Variants in KDSR observed in about 807,000 individuals in gnomAD.
KDSR encodes the protein 3-ketodihydrosphingosine reductase, also known as 3-dehydrosphinganine reductase.
In KDSR, 23 loss-of-function variants were observed where a neutral mutation model predicts 41.3. That is an observed-to-expected ratio of 0.56 (90% CI 0.40 to 0.79). The LOEUF is 0.79. Ranked by LOEUF, KDSR falls within the 30% of genes least tolerant of loss-of-function variation. The pLI is 0.00. For synonymous variants in KDSR, 138 were observed against 151.7 expected, an observed-to-expected ratio of 0.91 and a Z score of 0.66; for missense variants, 351 against 416.8, an observed-to-expected ratio of 0.84 and a Z score of 1.37.
intron 2 of KDSR, 37 bp downstream of exon 2, chr18:63,362,739 CGAA>C (rs1215274835): frequency 2.2e-6 from 3 of 1,374,720 alleles, no homozygotes; most frequent in Non-Finnish European, 2.1e-6. Flanking sequence ...AATTTCAAGT[CGAA>C]GAAGCAAGTC....
chr18:63,351,378 A>G (rs1914658696), intron 5 of KDSR, among the ~76,000 whole-genome samples: 1 of 152,250 alleles, frequency 6.6e-6, no homozygotes, highest in Admixed American at 6.5e-5. Flanking sequence ...TTCTCCTTAT[A>G]AAAAGTATAC....
At position 63,335,468 on chromosome 18, in the gene KDSR, A is replaced by G. The variant is rs551957193; in HGVS notation, c.778-110T>C. On this transcript the variant is annotated intron_variant, in intron 8 of 9. Coordinates refer to ENST00000645214, the MANE Select transcript of KDSR (RefSeq NM_002035.4). Reference sequence around the variant, plus strand: ...TGCTCGTTCACTTTAAGTGAGATAAAATGGTCACAAAGCATTGATCAGCAC... The same window carrying G: ...TGCTCGTTCACTTTAAGTGAGATAAGATGGTCACAAAGCATTGATCAGCAC... 14 of 734,912 alleles carry G rather than the reference A, an allele frequency of 1.9e-5. No homozygotes were observed. In the East Asian group the frequency reaches 3.6e-4, roughly 19 times the overall value. The allele number at this position is 734,912 out of a possible 1,614,324, so 45.5% of individuals were successfully genotyped here.
intron 2 of KDSR, among the ~76,000 whole-genome samples, chr18:63,361,702 C>A (rs1402730074): frequency 6.6e-6 from 1 of 152,028 alleles, no homozygotes; most frequent in Non-Finnish European, 1.5e-5. Flanking sequence ...GTAGTCCCAG[C>A]TACTCAGGAA....
intron 7 of KDSR, among the ~76,000 whole-genome samples, chr18:63,341,365 G>A (rs564115658): frequency 6.6e-6 from 1 of 151,592 alleles, no homozygotes; most frequent in Non-Finnish European, 1.5e-5. Flanking sequence ...AGAGAAAAGA[G>A]ATCTAAAGTA....
intron 7 of KDSR, among the ~76,000 whole-genome samples, chr18:63,339,826 A>C (rs898827443): frequency 1.3e-5 from 2 of 152,240 alleles, no homozygotes; most frequent in African/African-American, 4.8e-5. Context: ...TTTCAAGTAG[A>C]AGTGTCAAAC....
rs1038547029 is a variant in KDSR at position 63,351,031 on chromosome 18, C to G, written c.466G>C (p.Val156Leu). ...CGGCGCTCCTTCATGGTGGTGATCA[C>G]GGCCCGGCTGGGGTACACGCTGCCC... ...YLGSVYPSRAVITTMKERRVG... is the reference protein window; with the variant it reads ...YLGSVYPSRALITTMKERRVG... The change falls in exon 6 of 10, where the codon GTG (valine) becomes CTG (leucine). Residue 156 changes from valine to leucine, a missense_variant. Coordinates refer to ENST00000645214, the MANE Select transcript of KDSR (RefSeq NM_002035.4). 1.2e-6 allele frequency: 2 copies of G among 1,614,112 alleles called. No individual in the cohort carries two copies. Among genetic ancestry groups the G allele is most frequent in the South Asian group, 2.2e-5 (2 of 91,074 alleles).
At chr18:63,338,978 C>T (rs1914265575) in intron 7 of KDSR, 95 bp from the exon 8 acceptor site, 6 of 726,138 alleles carry the variant, frequency 8.3e-6, no homozygotes, top group Non-Finnish European at 2.2e-6. Flanking sequence ...CAAATAATTC[C>T]AATTTTCTAC....
chr18:63,341,483 AAG>A (rs1368646369), intron 7 of KDSR, among the ~76,000 whole-genome samples: 3 of 152,036 alleles, frequency 2.0e-5, no homozygotes, highest in Non-Finnish European at 2.9e-5. Flanking sequence ...TAAAAAAAAA[AAG>A]AGAGAGAAAA....
chr18:63,338,372 A>G (rs928318475), intron 8 of KDSR, among the ~76,000 whole-genome samples: 1 of 152,242 alleles, frequency 6.6e-6, no homozygotes, highest in African/African-American at 2.4e-5. Context: ...ACATATCAAC[A>G]GGGAAGACAG....
At position 63,355,518 on chromosome 18, in the gene KDSR, C is replaced by T; in HGVS notation, c.301G>A (p.Val101Ile). 6.2e-7 allele frequency: 1 copy of T among 1,611,262 alleles called. No homozygotes were observed. Among genetic ancestry groups the T allele is most frequent in the African/African-American group, 1.3e-5 (1 of 74,844 alleles). ...SVDVSQDYNQ[V>I]ENVIKQAQEK... Reference sequence around the variant, plus strand: ...CTTACTTGTTTTATGACATTCTCTACTTGGTTATAGTCTTGAGATACATCA... The same window carrying T: ...CTTACTTGTTTTATGACATTCTCTATTTGGTTATAGTCTTGAGATACATCA... The change falls in exon 4 of 10, where the codon GTA becomes ATA. Residue 101 changes from valine (V) to isoleucine (I), a missense_variant. Transcript: ENST00000645214.
chr18:63,335,232 G>A (rs755751272), intron 9 of KDSR, 25 bp downstream of exon 9: 1 of 1,499,832 alleles, frequency 6.7e-7, no homozygotes, highest in South Asian at 1.1e-5. Context: ...CGGCCTGTCT[G>A]ATTGCTAGCC....
At chr18:63,340,825 A>C (rs1914322590) in intron 7 of KDSR, among the ~76,000 whole-genome samples, 1 of 152,284 alleles carries the variant, frequency 6.6e-6, no homozygotes, top group African/African-American at 2.4e-5. Context: ...AAGAGTAGTT[A>C]TAAGGCACTT....
intron 1 of KDSR, chr18:63,366,631 A>C: frequency 1.2e-5 from 2 of 168,364 alleles, no homozygotes; most frequent in Non-Finnish European, 2.5e-5. Flanking sequence ...GTCCTTGGCA[A>C]AGTTTCTCAG....
In KDSR at chr18:63,337,113, A is replaced by AATATATAT. The variant is rs139383635; in HGVS notation, c.777+1679_777+1686dup. Among the ~76,000 whole-genome samples the AATATATAT allele has an allele frequency of 6.8e-3, 870 of 127,726 alleles. 31 individuals are homozygous for AATATATAT. Among genetic ancestry groups the AATATATAT allele is most frequent in the African/African-American group, 0.025 (776 of 31,388 alleles). 83.8% of individuals were successfully genotyped at this position (127,726 alleles called of 152,430 possible). On this transcript the variant is annotated intron_variant, in intron 8 of 9. Transcript: ENST00000645214. Reference sequence around the variant, plus strand: ...GTGACTTTATATATATATATATGTGAATATATATATATATATATATATATG... The same window carrying AATATATAT: ...GTGACTTTATATATATATATATGTGAATATATATATATATATATATATATATATATATG...
At chr18:63,357,182 G>A (rs1914819330) in intron 3 of KDSR, among the ~76,000 whole-genome samples, 1 of 152,126 alleles carries the variant, frequency 6.6e-6, no homozygotes, top group African/African-American at 2.4e-5. Context: ...TAAAAAGTCT[G>A]TCAATACCAA....
At chr18:63,361,657 A>G (rs1914992106) in intron 2 of KDSR, among the ~76,000 whole-genome samples, 1 of 152,040 alleles carries the variant, frequency 6.6e-6, no homozygotes, top group South Asian at 2.1e-4. Flanking sequence ...TCTACTAAAA[A>G]TACAAAAATT....
At position 63,362,770 on chromosome 18, in the gene KDSR, A is replaced by T. The variant is rs1418346988; in HGVS notation, c.198+9T>A. ...AGCAAGTCAGTAATAATGAACCTAG[A>T]AGCCTTACCTCATTTCGTGCAACCA... On this transcript the variant is annotated intron_variant, in intron 2 of 9. Coordinates refer to ENST00000645214, the MANE Select transcript of KDSR (RefSeq NM_002035.4). The T allele has an allele frequency of 6.3e-7, 1 of 1,588,222 alleles. No individual in the cohort carries two copies. The highest frequency in any genetic ancestry group is 1.7e-5 in the Admixed American group (1 of 59,666).
In KDSR at chr18:63,351,025, T is replaced by C. The variant is rs747651555; in HGVS notation, c.472A>G (p.Thr158Ala). 3 of 1,614,030 alleles carry C rather than the reference T, an allele frequency of 1.9e-6. No homozygotes were observed. Among genetic ancestry groups the C allele is most frequent in the East Asian group, 4.5e-5 (2 of 44,896 alleles). ...CCCACCCGGCGCTCCTTCATGGTGG[T>C]GATCACGGCCCGGCTGGGGTACACG... ...GSVYPSRAVI[T>A]TMKERRVGRI... The change falls in exon 6 of 10, where the codon ACC (threonine) becomes GCC (alanine). Residue 158 changes from threonine (T) to alanine (A), a missense_variant. Thr to Ala is a moderately conservative substitution (Grantham distance 58, BLOSUM62 0). Coordinates refer to ENST00000645214, the MANE Select transcript of KDSR (RefSeq NM_002035.4).
intron 8 of KDSR, among the ~76,000 whole-genome samples, chr18:63,337,744 T>C (rs1311080838): frequency 1.3e-5 from 2 of 152,100 alleles, no homozygotes; most frequent in South Asian, 2.1e-4. Context: ...CTGGCCAACA[T>C]GGTGAAGCCC....
Sources: gnomAD v4.1 joint callset for allele counts (sites outside exome capture counted in the v4.1 genomes callset) on GRCh38, gnomAD v4.1.1 for gene constraint, MANE v1.5 for transcripts, NCBI Gene and HGNC (gene_info 2026-07-23, HGNC 2026-07-21) for gene names.